Variants in GNAQ observed in about 807,000 individuals in gnomAD.
The protein encoded by GNAQ is guanine nucleotide-binding protein G(q) subunit alpha.
Under a neutral mutation model 43.9 loss-of-function variants are expected in GNAQ, and 8 were observed. The observed-to-expected ratio is 0.18, with a 90% CI of 0.11 to 0.33. The LOEUF (loss-of-function observed/expected upper bound fraction) is 0.33. GNAQ is among the 10% of genes least tolerant of loss of function. The pLI is 1.00. For synonymous variants in GNAQ, 155 were observed against 170.7 expected, an observed-to-expected ratio of 0.91 and a Z score of 0.71; for missense variants, 158 against 450.8, an observed-to-expected ratio of 0.35 and a Z score of 5.88.
At chr9:77,869,392 G>A (rs965866636) in intron 2 of GNAQ, among the ~76,000 whole-genome samples, 7 of 152,068 alleles carry the variant, frequency 4.6e-5, no homozygotes, top group South Asian at 4.1e-4. Flanking sequence ...AATAAGTCAC[G>A]GTTTCCTACG....
intron 2 of GNAQ, among the ~76,000 whole-genome samples, chr9:77,908,635 C>T (rs1042159366): frequency 1.3e-5 from 2 of 152,174 alleles, no homozygotes; most frequent in African/African-American, 4.8e-5. Context: ...ACATTTCCGA[C>T]AAGGCATAGC....
chr9:78,025,850 CTTG>C (rs1823973027), intron 1 of GNAQ, among the ~76,000 whole-genome samples: 1 of 152,108 alleles, frequency 6.6e-6, no homozygotes, highest in Non-Finnish European at 1.5e-5. Flanking sequence ...CTTAGAGAAT[CTTG>C]TTAATTTCTT....
chr9:77,957,887 G>A (rs560084970), intron 1 of GNAQ, among the ~76,000 whole-genome samples: 8 of 152,148 alleles, frequency 5.3e-5, no homozygotes, highest in Non-Finnish European at 1.2e-4. Context: ...GGCTTATGTG[G>A]TATGTCTATC....
chr9:77,788,397 A>AC (rs373596968), intron 5 of GNAQ, among the ~76,000 whole-genome samples: 16 of 152,234 alleles, frequency 1.1e-4, no homozygotes, highest in African/African-American at 3.6e-4. Flanking sequence ...GTGAAAAAAG[A>AC]CCAAATTGCA....
rs1170855525 is a variant in GNAQ at position 77,728,497 on chromosome 9, T to C, written c.889+17A>G. Reference sequence around the variant, plus strand: ...CCTATTCACAGCTACTGAGCTGTGGTATGAGTGCTGACTTACCATCATATT... The same window carrying C: ...CCTATTCACAGCTACTGAGCTGTGGCATGAGTGCTGACTTACCATCATATT... On this transcript the variant is annotated intron_variant, in intron 6 of 6. Coordinates refer to ENST00000286548, the MANE Select transcript of GNAQ (RefSeq NM_002072.5). 1.9e-6 allele frequency: 3 copies of C among 1,578,856 alleles called. No individual in the cohort carries two copies. Among genetic ancestry groups the C allele is most frequent in the Admixed American group, 1.7e-5 (1 of 59,946 alleles).
intron 1 of GNAQ, among the ~76,000 whole-genome samples, chr9:77,976,479 G>A (rs531792813): frequency 1.3e-5 from 2 of 152,072 alleles, no homozygotes; most frequent in African/African-American, 2.4e-5. Flanking sequence ...TGCAACCTCC[G>A]CCTCCCAGGT....
At chr9:77,809,878 G>C (rs1826890559) in intron 3 of GNAQ, among the ~76,000 whole-genome samples, 1 of 152,142 alleles carries the variant, frequency 6.6e-6, no homozygotes, top group South Asian at 2.1e-4. Context: ...GAGAGATAAA[G>C]ACTGTAGGTT....
chr9:77,974,221 G>A (rs1823272213), intron 1 of GNAQ, among the ~76,000 whole-genome samples: 3 of 152,044 alleles, frequency 2.0e-5, no homozygotes, highest in South Asian at 2.1e-4. Flanking sequence ...CTGAGGCTGG[G>A]GCTGAGCTTT....
chr9:77,920,288 A>G (rs1748851630), intron 2 of GNAQ, among the ~76,000 whole-genome samples: 1 of 152,154 alleles, frequency 6.6e-6, no homozygotes, highest in Non-Finnish European at 1.5e-5. Context: ...TCCTGTCTTA[A>G]AACAGGGCAA....
intron 1 of GNAQ, among the ~76,000 whole-genome samples, chr9:77,930,824 C>T (rs543926260): frequency 6.6e-6 from 1 of 151,980 alleles, no homozygotes; most frequent in African/African-American, 2.4e-5. Flanking sequence ...AGCAGCAGTC[C>T]CAACCCCCAG....
chr9:77,871,766 T>A (rs910942624), intron 2 of GNAQ, among the ~76,000 whole-genome samples: 1 of 152,174 alleles, frequency 6.6e-6, no homozygotes, highest in Non-Finnish European at 1.5e-5. Flanking sequence ...TATAATAGAA[T>A]TGCAGAATTT....
intron 2 of GNAQ, among the ~76,000 whole-genome samples, chr9:77,839,351 G>A (rs1827445246): frequency 6.6e-6 from 1 of 152,164 alleles, no homozygotes; most frequent in Non-Finnish European, 1.5e-5. Context: ...TTAAAGTAGG[G>A]TTGATATGAC....
chr9:77,970,456 G>A (rs1047429143), intron 1 of GNAQ, among the ~76,000 whole-genome samples: 1 of 152,130 alleles, frequency 6.6e-6, no homozygotes, highest in Non-Finnish European at 1.5e-5. Context: ...GCAGTATGGT[G>A]GGCTATAATC....
At chr9:77,844,110 C>T (rs1345095863) in intron 2 of GNAQ, among the ~76,000 whole-genome samples, 1 of 152,138 alleles carries the variant, frequency 6.6e-6, no homozygotes, top group East Asian at 1.9e-4. Context: ...TTTGGAGTTC[C>T]TGGGATTTGA....
chr9:77,833,113 T>C (rs946282321), intron 2 of GNAQ, among the ~76,000 whole-genome samples: 1 of 152,022 alleles, frequency 6.6e-6, no homozygotes, highest in Non-Finnish European at 1.5e-5. Flanking sequence ...ACTACAGGCA[T>C]GCACCACCAC....
Position 77,970,649 on chromosome 9 carries a change from G to T in GNAQ, c.137-48304C>A, listed in dbSNP as rs374771348. Among the ~76,000 whole-genome samples the T allele has an allele frequency of 1.3e-4, 20 of 152,186 alleles. No individual in the cohort carries two copies. The East Asian group carries it at 3.3e-3, about 25-fold the overall frequency. On this transcript the variant is annotated intron_variant, in intron 1 of 6. Transcript: ENST00000286548. The stretch of plus-strand genomic sequence containing the variant: ...GACACATTTAATGCAGTGTGTAGAG[G>T]GAAATTTATAGCACTAAATGCCCAC...
At chr9:77,749,985 T>C (rs905175748) in intron 5 of GNAQ, among the ~76,000 whole-genome samples, 2 of 152,152 alleles carry the variant, frequency 1.3e-5, no homozygotes, top group East Asian at 3.8e-4. Context: ...TTCTCAATTA[T>C]ACTACAATAG....
At chr9:77,964,187 A>G (rs1823138802) in intron 1 of GNAQ, among the ~76,000 whole-genome samples, 1 of 152,242 alleles carries the variant, frequency 6.6e-6, no homozygotes, top group African/African-American at 2.4e-5. Context: ...CAATCATTTC[A>G]TAATGATAAA....
In GNAQ at chr9:77,826,452, C is replaced by CT. The variant is rs760301724; in HGVS notation, c.322-10683dup. 9.2e-5 allele frequency among the ~76,000 whole-genome samples: 14 copies of CT among 152,292 alleles called. No homozygotes were observed. In the East Asian group the frequency reaches 1.9e-3, roughly 21 times the overall value. On this transcript the variant is annotated intron_variant, in intron 2 of 6. Transcript: ENST00000286548. Reference sequence around the variant, plus strand: ...CCATTAAAAAACGTGCACCTGGGATCTTCTGATGTTCTTTCCCCATTATCC... The same window carrying CT: ...CCATTAAAAAACGTGCACCTGGGATCTTTCTGATGTTCTTTCCCCATTATCC...
Sources: gnomAD v4.1 joint callset for allele counts (sites outside exome capture counted in the v4.1 genomes callset) on GRCh38, gnomAD v4.1.1 for gene constraint, MANE v1.5 for transcripts, NCBI Gene and HGNC (gene_info 2026-07-23, HGNC 2026-07-21) for gene names.